MARF1: variants seen among roughly 807,000 people sequenced by gnomAD.
MARF1 encodes the protein meiosis regulator and mRNA stability factor 1, also known as limkain-b1.
MARF1 carries 24 observed loss-of-function variants against 168.2 expected under a neutral mutation model. That is an observed-to-expected ratio of 0.14 (90% CI 0.10 to 0.20). The LOEUF (loss-of-function observed/expected upper bound fraction) is 0.20, where lower values mean the gene tolerates loss of function less well. Among genes scored for constraint, MARF1 ranks in the 10% least tolerant of loss-of-function variants. The pLI is 1.00. For missense variants in MARF1, 1,744 were observed against 2,143.6 expected, an observed-to-expected ratio of 0.81 and a Z score of 3.68; for synonymous variants, 868 against 822.4, an observed-to-expected ratio of 1.06 and a Z score of -0.95.
At chr16:15,603,754 T>A (rs2032744740) in intron 22 of MARF1, among the ~76,000 whole-genome samples, 1 of 122,518 alleles carries the variant, frequency 8.2e-6, no homozygotes, top group Non-Finnish European at 1.9e-5. Flanking sequence ...GCGCCATTCT[T>A]GAAAGGCTGC....
At chr16:15,631,703 C>T (rs1212695085) in intron 5 of MARF1, among the ~76,000 whole-genome samples, 1 of 152,022 alleles carries the variant, frequency 6.6e-6, no homozygotes, top group Non-Finnish European at 1.5e-5. Flanking sequence ...GTTTTATGCC[C>T]CCACATGTAT....
intron 13 of MARF1, among the ~76,000 whole-genome samples, chr16:15,619,731 C>T (rs1445035937): frequency 6.6e-6 from 1 of 152,220 alleles, no homozygotes; most frequent in Non-Finnish European, 1.5e-5. Context: ...GCCTTCTCTG[C>T]AGTGCCTTGG....
At chr16:15,615,809 G>C in intron 16 of MARF1, 21 bp downstream of exon 16, 1 of 1,497,840 alleles carries the variant, frequency 6.7e-7, no homozygotes, top group Non-Finnish European at 9.0e-7. Context: ...GTAGCTCCAG[G>C]ACAAAATACC....
At chr16:15,613,916 C>A (rs540880671) in intron 16 of MARF1, among the ~76,000 whole-genome samples, 1 of 152,020 alleles carries the variant, frequency 6.6e-6, no homozygotes, top group African/African-American at 2.4e-5. Flanking sequence ...GTGGGAGAAG[C>A]AAAAGTGTTG....
In MARF1 at chr16:15,598,864, T is replaced by C. The variant is rs769060172; in HGVS notation, c.4974A>G (p.Gln1658=). ...ADLIQFEERP[Q]EPSEIMILNQ... is the part of the protein sequence containing the mutation. ...CATGGAGTCACCCACCAGAAGGCTC[T>C]TGAGGGCGCTCCTCAAACTGAATGA... The change falls in exon 26 of 27, where the codon CAA becomes CAG. Residue 1658 remains glutamine (Q), a synonymous_variant. Transcript: ENST00000396368. 1.2e-5 allele frequency: 19 copies of C among 1,613,988 alleles called. No homozygotes were observed. The Admixed American group carries it at 3.2e-4, about 27-fold the overall frequency.
intron 6 of MARF1, 146 bp from the exon 7 acceptor site, chr16:15,630,650 C>A (rs755214189): frequency 1.0e-5 from 6 of 590,154 alleles, no homozygotes; most frequent in African/African-American, 1.9e-5. Context: ...GAAAGAAACA[C>A]GTTTCACATC....
At position 15,609,677 on chromosome 16, in the gene MARF1, A is replaced by G. The variant is rs200431093; in HGVS notation, c.3800T>C (p.Val1267Ala). Residue 1267 changes from valine to alanine, a missense_variant, in exon 20 of 27, where the codon GTC becomes GCC. Physicochemically the swap from Val to Ala is moderately conservative, Grantham distance 64 (BLOSUM62 0). Transcript: ENST00000396368. ...GGGTTGGTGACGCAGCAAATCAACGACATCCTTGGAGAACTGTTTTGTCCT... is the reference window on the plus strand; with the variant it reads ...GGGTTGGTGACGCAGCAAATCAACGGCATCCTTGGAGAACTGTTTTGTCCT... ...IERTKQFSKD[V>A]VDLLRHQPHF... 6.4e-4 allele frequency: 1,029 copies of G among 1,614,188 alleles called. 2 individuals carry two copies. Among genetic ancestry groups the G allele is most frequent in the Non-Finnish European group, 7.9e-4 (928 of 1,180,030 alleles).
intron 25 of MARF1, 64 bp from the exon 26 acceptor site, chr16:15,599,088 G>A: frequency 6.8e-7 from 1 of 1,472,054 alleles, no homozygotes; most frequent in Non-Finnish European, 9.4e-7. Context: ...CACACACCCT[G>A]GGCTCACACC....
At chr16:15,635,627 C>A (rs373712471) in intron 3 of MARF1, 29 bp downstream of exon 3, 3 of 1,590,736 alleles carry the variant, frequency 1.9e-6, no homozygotes, top group Non-Finnish European at 2.6e-6. Context: ...CTCAGCTGCA[C>A]CCAACTTAAG....
chr16:15,603,794 CT>C (rs1322873285), intron 22 of MARF1, among the ~76,000 whole-genome samples: 1 of 152,144 alleles, frequency 6.6e-6, no homozygotes, highest in Non-Finnish European at 1.5e-5. Context: ...ACCTTCCTTT[CT>C]GCCCTCACCT....
chr16:15,633,171 A>ACCACC (rs1220838796), intron 5 of MARF1, among the ~76,000 whole-genome samples: 1 of 138,510 alleles, frequency 7.2e-6, no homozygotes, highest in Non-Finnish European at 1.6e-5. Flanking sequence ...AAAAAAAAAA[A>ACCACC]ACACCACACA....
chr16:15,600,611 T>A, intron 24 of MARF1, 30 bp downstream of exon 24: 1 of 1,614,116 alleles, frequency 6.2e-7, no homozygotes, highest in Non-Finnish European at 8.5e-7. Context: ...CGTGATTTTT[T>A]AAGGGGGGAG....
chr16:15,611,755 T>C, intron 17 of MARF1, 21 bp from the exon 18 acceptor site: 1 of 1,612,740 alleles, frequency 6.2e-7, no homozygotes, highest in Non-Finnish European at 8.5e-7. Context: ...AATAGTTTAT[T>C]TATACACATA....
At position 15,625,855 on chromosome 16, in the gene MARF1, T is replaced by C. The variant is rs898024839; in HGVS notation, c.1525-55A>G. 121 of 1,436,020 alleles carry C rather than the reference T, an allele frequency of 8.4e-5. 1 individual carries two copies. In the Middle Eastern group the frequency reaches 1.1e-3, roughly 13 times the overall value. The allele number at this position is 1,436,020 out of a possible 1,614,324, so 89.0% of individuals were successfully genotyped here. A position where few individuals can be genotyped will look rare whatever the true frequency, so the allele number is the denominator to read the frequency against. On this transcript the variant is annotated intron_variant, in intron 7 of 26. Coordinates refer to ENST00000396368, the MANE Select transcript of MARF1 (RefSeq NM_014647.4). ...GGTTAATTCAAGGGCACACATTCAA[T>C]TTCAAAATAAGAACAATGGGTGACC...
At chr16:15,623,171 T>A in intron 10 of MARF1, 48 bp from the exon 11 acceptor site, 1 of 1,406,596 alleles carries the variant, frequency 7.1e-7, no homozygotes, top group Non-Finnish European at 9.6e-7. Context: ...CTGTTCTGTA[T>A]ATTTAGATTT....
At chr16:15,633,172 AC>A (rs1363323931) in intron 5 of MARF1, among the ~76,000 whole-genome samples, 14 of 127,710 alleles carry the variant, frequency 1.1e-4, no homozygotes, top group South Asian at 5.2e-4. Flanking sequence ...AAAAAAAAAA[AC>A]ACCACACACA....
chr16:15,636,083 A>G lies in MARF1; in HGVS notation c.404T>C (p.Leu135Pro). The change falls in exon 3 of 27, where the codon CTG becomes CCG. Residue 135 changes from leucine (L) to proline (P), a missense_variant. By Grantham distance (98) the Leu-to-Pro change is moderately conservative. Transcript: ENST00000396368. Reference protein sequence around the residue: ...GTSSLIHPGALLDSQSTRTIT... With the variant: ...GTSSLIHPGAPLDSQSTRTIT... ...TGTCCTGGTGCTTTGCGAGTCTAAC[A>G]GTGCGCCCGGGTGAATCAAGCTACT... is the stretch of plus-strand genomic sequence containing the variant. 1.2e-6 allele frequency: 2 copies of G among 1,614,252 alleles called. No homozygotes were observed. Among genetic ancestry groups the G allele is most frequent in the African/African-American group, 1.3e-5 (1 of 75,072 alleles).
In MARF1 at chr16:15,611,446, CAAAAAAAAAAAAA is replaced by C. The variant is rs995305393; in HGVS notation, c.3617+133_3617+145del. 7 of 422,412 alleles carry C rather than the reference CAAAAAAAAAAAAA, an allele frequency of 1.7e-5. No individual in the cohort carries two copies. In the African/African-American group the frequency reaches 2.1e-4, roughly 13 times the overall value. 26.2% of individuals were successfully genotyped at this position (422,412 alleles called of 1,614,324 possible). On this transcript the variant is annotated intron_variant, in intron 18 of 26. Coordinates refer to ENST00000396368, the MANE Select transcript of MARF1 (RefSeq NM_014647.4). ...TGGGCGACAGAGCGAGACTCCGTCT[CAAAAAAAAAAAAA>C]AAAAAACAAAAAACTACTACAAGTT... is the stretch of plus-strand genomic sequence containing the variant.
chr16:15,616,238 A>C (rs1340375167), intron 15 of MARF1, among the ~76,000 whole-genome samples: 1 of 152,108 alleles, frequency 6.6e-6, no homozygotes, highest in Non-Finnish European at 1.5e-5. Flanking sequence ...AGGGGGATTA[A>C]AAATAGGGCA....
Sources: allele counts gnomAD v4.1 joint callset (sites outside exome capture counted in the v4.1 genomes callset), GRCh38; gene constraint gnomAD v4.1.1; transcripts MANE v1.5; gene names NCBI Gene and HGNC (gene_info 2026-07-23, HGNC 2026-07-21).